ATP9A: variants seen among roughly 807,000 people sequenced by gnomAD.
ATP9A encodes ATPase phospholipid transporting 9A.
ATP9A carries 52 observed loss-of-function variants against 144.1 expected under a neutral mutation model. The observed-to-expected ratio is 0.36, with a 90% CI of 0.29 to 0.45. The LOEUF (loss-of-function observed/expected upper bound fraction) is 0.45, where lower values mean the gene tolerates loss of function less well. Among genes scored for constraint, ATP9A ranks in the 20% least tolerant of loss-of-function variants. The probability of loss-of-function intolerance (pLI) is 1.00; values close to 1 mark genes in which losing one functional copy is unlikely to be tolerated. For synonymous variants in ATP9A, 582 were observed against 557.4 expected (o/e 1.04, Z -0.62); for missense variants, 947 against 1,392.7 (o/e 0.68, Z 5.09).
intron 3 of ATP9A, among the ~76,000 whole-genome samples, chr20:51,716,836 A>G (rs1037908110): frequency 6.6e-6 from 1 of 152,190 alleles, no homozygotes; most frequent in Non-Finnish European, 1.5e-5. Context: ...CTTTTTACAG[A>G]TGACAAAACT....
chr20:51,715,845 G>A (rs1265945925), intron 3 of ATP9A, among the ~76,000 whole-genome samples: 2 of 152,196 alleles, frequency 1.3e-5, no homozygotes, highest in Non-Finnish European at 2.9e-5. Flanking sequence ...GCAGGGGAAG[G>A]GGGGCTGTTG....
chr20:51,726,313 CAAAAAAAAAAAAAAA>C (rs11476208), intron 2 of ATP9A, among the ~76,000 whole-genome samples: 2 of 70,764 alleles, frequency 2.8e-5, no homozygotes, highest in Non-Finnish European at 5.5e-5. Flanking sequence ...AACTCTGTCT[CAAAAAAAAAAAAAAA>C]AAAAAAAAAA....
At position 51,707,837 on chromosome 20, in the gene ATP9A, G is replaced by C. The variant is rs1353358656; in HGVS notation, c.436+5129C>G. 2.0e-5 allele frequency among the ~76,000 whole-genome samples: 3 copies of C among 150,942 alleles called. No individual in the cohort carries two copies. The East Asian group carries it at 5.8e-4, about 29-fold the overall frequency. ...ACCTAGCATAGACTTGGTACATGAT[G>C]AAGTCTCAACTGTGTTTGTGTGTGT... On this transcript the variant is annotated intron_variant, in intron 4 of 27. Coordinates refer to ENST00000338821, the MANE Select transcript of ATP9A (RefSeq NM_006045.3).
intron 13 of ATP9A, among the ~76,000 whole-genome samples, chr20:51,659,376 T>C (rs569436629): frequency 6.6e-6 from 1 of 152,360 alleles, no homozygotes; most frequent in Non-Finnish European, 1.5e-5. Flanking sequence ...CAGGGCAGTG[T>C]CTGGTATGTA....
chr20:51,627,800 C>A, intron 16 of ATP9A, 117 bp from the exon 17 acceptor site: 1 of 827,384 alleles, frequency 1.2e-6, no homozygotes, highest in South Asian at 1.6e-5. Flanking sequence ...AATGGCAAAT[C>A]AGAAAGTTGC....
intron 1 of ATP9A, among the ~76,000 whole-genome samples, chr20:51,751,239 T>C (rs1298000896): frequency 1.3e-5 from 2 of 151,364 alleles, no homozygotes; most frequent in African/African-American, 4.9e-5. Flanking sequence ...TTGAGATTTT[T>C]TAACGTTTCT....
At chr20:51,617,415 T>G (rs1057306722) in intron 22 of ATP9A, 75 bp downstream of exon 22, 3 of 1,454,116 alleles carry the variant, frequency 2.1e-6, no homozygotes, top group Non-Finnish European at 2.8e-6. Context: ...CCAGAAGGCT[T>G]AAAGCTGTGT....
rs554070385 is a variant in ATP9A at position 51,761,542 on chromosome 20, A to G, written c.68+6760T>C. Among the ~76,000 whole-genome samples the G allele has an allele frequency of 3.3e-5, 5 of 152,264 alleles. No individual in the cohort carries two copies. The East Asian group carries it at 9.6e-4, about 29-fold the overall frequency. ...TTTGGGAGGCCAAGGCGGGCAGATC[A>G]CGAGGTCAGGAGATCCAGACCATCC... On this transcript the variant is annotated intron_variant, in intron 1 of 27. Coordinates refer to ENST00000338821, the MANE Select transcript of ATP9A (RefSeq NM_006045.3).
chr20:51,633,811 G>A (rs1468084019), intron 15 of ATP9A, among the ~76,000 whole-genome samples: 1 of 149,396 alleles, frequency 6.7e-6, no homozygotes, highest in African/African-American at 2.5e-5. Context: ...AGAAAGAAAG[G>A]ACAGAAGAAG....
chr20:51,645,174 G>A (rs550546831), intron 14 of ATP9A, among the ~76,000 whole-genome samples: 1 of 152,170 alleles, frequency 6.6e-6, no homozygotes, highest in Non-Finnish European at 1.5e-5. Flanking sequence ...AGGAGCCTAC[G>A]ACAGCTATAT....
intron 14 of ATP9A, among the ~76,000 whole-genome samples, chr20:51,643,017 T>C (rs938397774): frequency 2.0e-4 from 30 of 152,156 alleles, no homozygotes; most frequent in African/African-American, 7.2e-4. Context: ...TAGATGACTA[T>C]TTCTCATTTC....
intron 13 of ATP9A, among the ~76,000 whole-genome samples, chr20:51,667,472 T>C (rs1000889984): frequency 6.6e-6 from 1 of 152,104 alleles, no homozygotes; most frequent in African/African-American, 2.4e-5. Flanking sequence ...AGAAGGAGCC[T>C]GGTGGGCATT....
At chr20:51,733,479 T>A (rs1338739750) in intron 1 of ATP9A, among the ~76,000 whole-genome samples, 1 of 152,074 alleles carries the variant, frequency 6.6e-6, no homozygotes, top group Non-Finnish European at 1.5e-5. Context: ...GTTCAAGCCA[T>A]TCTCCTGCCT....
At position 51,712,984 on chromosome 20, in the gene ATP9A, T is replaced by C. The variant is rs1438285659; in HGVS notation, c.418A>G (p.Ser140Gly). ...RDKEVNSQVY[S>G]RLTARGTVKV... ...GGCTGACCTCGTGCTGTGAGCCGGC[T>C]GTAGACCTGGGAGTTGACTTCCTTG... Residue 140 changes from serine (S) to glycine (G), a missense_variant, in exon 4 of 28, where the codon AGC (serine) becomes GGC (glycine). Ser to Gly is a moderately conservative substitution (Grantham distance 56). Coordinates refer to ENST00000338821, the MANE Select transcript of ATP9A (RefSeq NM_006045.3). 2 of 1,612,104 alleles carry C rather than the reference T, an allele frequency of 1.2e-6. No individual in the cohort carries two copies. The highest frequency in any genetic ancestry group is 1.7e-6 in the Non-Finnish European group (2 of 1,179,132).
chr20:51,721,340 G>A (rs1391168813), intron 3 of ATP9A, among the ~76,000 whole-genome samples: 1 of 152,204 alleles, frequency 6.6e-6, no homozygotes, highest in Non-Finnish European at 1.5e-5. Context: ...AATTTAATAA[G>A]TTGGGCGTGT....
intron 14 of ATP9A, among the ~76,000 whole-genome samples, chr20:51,651,336 A>T (rs1973926): frequency 0.5 from 40,237 of 79,934 alleles, 10,351 homozygotes; most frequent in East Asian, 0.78. Flanking sequence ...ATATTTACAT[A>T]ATATATTATA....
intron 17 of ATP9A, among the ~76,000 whole-genome samples, chr20:51,625,914 T>C (rs1267260467): frequency 3.3e-5 from 5 of 152,224 alleles, no homozygotes; most frequent in African/African-American, 1.2e-4. Context: ...GCAGGTAGCA[T>C]TGATCGGGGC....
chr20:51,739,349 CTTT>C lies in ATP9A; in HGVS notation c.69-9374_69-9372del, dbSNP rs749000986. Among the ~76,000 whole-genome samples the C allele has an allele frequency of 1.9e-3, 261 of 134,644 alleles. 3 individuals are homozygous for C. Among genetic ancestry groups the C allele is most frequent in the African/African-American group, 6.5e-3 (240 of 36,726 alleles). The allele number at this position is 134,644 out of a possible 152,430, so 88.3% of individuals were successfully genotyped here. On this transcript the variant is annotated intron_variant, in intron 1 of 27. Coordinates refer to ENST00000338821, the MANE Select transcript of ATP9A (RefSeq NM_006045.3). Reference sequence around the variant, plus strand: ...AGTTTTCTTCTATCCTACACTCACTCTTTTTTTTTTTTTTTTTTTGAGATGGAG... The same window carrying C: ...AGTTTTCTTCTATCCTACACTCACTCTTTTTTTTTTTTTTTTGAGATGGAG...
intron 1 of ATP9A, among the ~76,000 whole-genome samples, chr20:51,763,623 C>T (rs1372043758): frequency 1.3e-5 from 2 of 152,080 alleles, no homozygotes; most frequent in African/African-American, 4.8e-5. Flanking sequence ...AGTTTACATA[C>T]TTTCAATAGA....
Sources: gnomAD v4.1 joint callset for allele counts (sites outside exome capture counted in the v4.1 genomes callset) on GRCh38, gnomAD v4.1.1 for gene constraint, MANE v1.5 for transcripts, NCBI Gene and HGNC (gene_info 2026-07-23, HGNC 2026-07-21) for gene names.